The following MRPL53 variants were observed in gnomAD, a reference collection of about 807,000 sequenced individuals.
MRPL53 encodes the protein large ribosomal subunit protein mL53.
MRPL53 carries 7 observed loss-of-function variants against 7.5 expected under a neutral mutation model. The ratio of observed to expected loss-of-function variants is 0.93; its 90% CI spans 0.53 to 1.75. MRPL53 has a LOEUF of 1.75. Among genes scored for constraint, MRPL53 ranks in the 40% most tolerant of loss-of-function variants. The pLI, the probability that MRPL53 is intolerant of heterozygous loss-of-function variation, is 0.00. For missense variants in MRPL53, 185 were observed against 159.0 expected (o/e 1.16, Z -0.88); for synonymous variants, 84 against 64.4 (o/e 1.30, Z -1.46).
chr2:74,472,097 C>G lies in MRPL53; in HGVS notation c.*22G>C. On this transcript the variant is annotated 3_prime_UTR_variant, in exon 3 of 3. Transcript: ENST00000258105. The stretch of plus-strand genomic sequence containing the variant: ...GTGTCCTAGTCCACGCTAAAATCAT[C>G]TTGTTGGTCTCTTTGGCGCTGTCAG... 2 of 1,612,782 alleles carry G rather than the reference C, an allele frequency of 1.2e-6. No homozygotes were observed. Among genetic ancestry groups the G allele is most frequent in the Non-Finnish European group, 1.7e-6 (2 of 1,179,416 alleles).
chr2:74,471,993 G>A lies in MRPL53; in HGVS notation c.*126C>T. On this transcript the variant is annotated 3_prime_UTR_variant, in exon 3 of 3. Transcript: ENST00000258105. ...TTGTTCCAGAAACATTGTGGTAGCA[G>A]GGTTTTAAACTTTATTTTGCGCTCC... The A allele has an allele frequency of 8.1e-7, 1 of 1,237,700 alleles. No homozygotes were observed. Among genetic ancestry groups the A allele is most frequent in the Non-Finnish European group, 1.1e-6 (1 of 886,866 alleles). The allele number at this position is 1,237,700 out of a possible 1,614,324, so 76.7% of individuals were successfully genotyped here.
Sources: allele counts gnomAD v4.1 joint callset, GRCh38; gene constraint gnomAD v4.1.1; transcripts MANE v1.5; gene names NCBI Gene and HGNC (gene_info 2026-07-23, HGNC 2026-07-21).